The following MUS81 variants were observed in gnomAD, a reference collection of about 807,000 sequenced individuals.
MUS81 encodes structure-specific endonuclease subunit MUS81.
A neutral mutation model predicts 74.2 loss-of-function variants in MUS81; 69 were observed. That is an observed-to-expected ratio of 0.93 (90% CI 0.77 to 1.14). The LOEUF is 1.14. Ranked by LOEUF, MUS81 falls within the 50% of genes most tolerant of loss-of-function variation. MUS81 has a pLI of 0.00. For missense variants in MUS81, 711 were observed against 726.5 expected, an observed-to-expected ratio of 0.98 and a Z score of 0.25; for synonymous variants, 303 against 300.6, an observed-to-expected ratio of 1.01 and a Z score of -0.08.
chr11:65,863,759 C>A, intron 9 of MUS81, 38 bp downstream of exon 9: 1 of 1,614,088 alleles, frequency 6.2e-7, no homozygotes, highest in Non-Finnish European at 8.5e-7. Flanking sequence ...AGGGGCAGGG[C>A]CTGGTGGGTA....
chr11:65,860,966 C>G lies in MUS81; in HGVS notation c.136-7C>G. ...CCTGACCAGGTACCCTACCCCTGCC[C>G]GGCCAGGCGCTGCGTTCCCTCCGAC... On this transcript the variant is annotated splice_region_variant and splice_polypyrimidine_tract_variant and intron_variant, in intron 1 of 15. Coordinates refer to ENST00000308110, the MANE Select transcript of MUS81 (RefSeq NM_025128.5). 1 of 1,611,500 alleles carries G rather than the reference C, an allele frequency of 6.2e-7. No individual in the cohort carries two copies. The highest frequency in any genetic ancestry group is 8.5e-7 in the Non-Finnish European group (1 of 1,179,430).
At chr11:65,862,588 G>C in intron 6 of MUS81, 59 bp downstream of exon 6, 4 of 1,499,742 alleles carry the variant, frequency 2.7e-6, no homozygotes, top group Non-Finnish European at 3.7e-6. Flanking sequence ...TAGGGCCTTA[G>C]AGTCACCCAA....
rs374161707 is a variant in MUS81 at position 65,861,366 on chromosome 11, C to T, written c.282C>T (p.Asp94=). 1.1e-5 allele frequency: 17 copies of T among 1,600,084 alleles called. No homozygotes were observed. The African/African-American group carries it at 2.0e-4, about 19-fold the overall frequency. Residue 94 remains aspartate, a synonymous_variant, in exon 3 of 16, where the codon GAC becomes GAT. Coordinates refer to ENST00000308110, the MANE Select transcript of MUS81 (RefSeq NM_025128.5). ...CTCCCGCAGGTGACCATGCCCCGGA[C>T]TCACCATCTGGAGAGAACAGTCCAG... The part of the protein sequence containing the change: ...HRTSGGDHAP[D]SPSGENSPAP...
chr11:65,861,803 G>A, intron 3 of MUS81, 144 bp from the exon 4 acceptor site: 4 of 691,872 alleles, frequency 5.8e-6, no homozygotes, highest in Middle Eastern at 5.0e-4. Context: ...ATTTGCAGCG[G>A]ATCATCCCAT....
At chr11:65,862,350 G>A in intron 5 of MUS81, 71 bp downstream of exon 5, 1 of 1,589,102 alleles carries the variant, frequency 6.3e-7, no homozygotes, top group African/African-American at 1.3e-5. Flanking sequence ...TTTTCTTGCA[G>A]TGGGCCCATG....
intron 2 of MUS81, 95 bp downstream of exon 2, chr11:65,861,197 C>T: frequency 6.3e-7 from 1 of 1,587,808 alleles, no homozygotes; most frequent in Non-Finnish European, 8.6e-7. Flanking sequence ...GCTCCCCACT[C>T]CTGTCCCAGT....
chr11:65,866,513 T>G (rs866269595), downstream of MUS81: 15 of 702,690 alleles, frequency 2.1e-5, no homozygotes, highest in Middle Eastern at 1.1e-3. Context: ...AATGTACAGT[T>G]TGAGGCAGAG....
Position 65,866,348 on chromosome 11 carries a change from A to G in MUS81, c.*296A>G, listed in dbSNP as rs1859835994. Reference sequence around the variant, plus strand: ...TTATGTCACCAGTTGGTCCTCATCAAATAAAATTTCCTTAGGAGTGCAGAG... The same window carrying G: ...TTATGTCACCAGTTGGTCCTCATCAGATAAAATTTCCTTAGGAGTGCAGAG... On this transcript the variant is annotated 3_prime_UTR_variant, in exon 16 of 16. Transcript: ENST00000308110. 2 of 606,326 alleles carry G rather than the reference A, an allele frequency of 3.3e-6. No individual in the cohort carries two copies. Among genetic ancestry groups the G allele is most frequent in the African/African-American group, 3.7e-5 (2 of 53,980 alleles). The allele number at this position is 606,326 out of a possible 1,614,324, so 37.6% of individuals were successfully genotyped here. A position where few individuals can be genotyped will look rare whatever the true frequency, so the allele number is the denominator to read the frequency against.
upstream of MUS81, chr11:65,859,950 T>G (rs1859517763): frequency 4.7e-6 from 1 of 210,844 alleles, no homozygotes; most frequent in Non-Finnish European, 1.0e-5. Context: ...ATCTCAGGCC[T>G]CCCCAACTGC....
chr11:65,861,874 A>G, intron 3 of MUS81, 73 bp from the exon 4 acceptor site: 1 of 1,262,236 alleles, frequency 7.9e-7, no homozygotes, highest in Non-Finnish European at 1.1e-6. Context: ...ACCCAGGGCC[A>G]CAAAGCCTGC....
Position 65,866,415 on chromosome 11 carries a change from T to C in MUS81, c.*363T>C, listed in dbSNP as rs1401787938. 60 of 647,308 alleles carry C rather than the reference T, an allele frequency of 9.3e-5. No homozygotes were observed. The highest frequency in any genetic ancestry group is 1.4e-4 in the Non-Finnish European group (51 of 364,970). 40.1% of individuals were successfully genotyped at this position (647,308 alleles called of 1,614,324 possible). On this transcript the variant is annotated 3_prime_UTR_variant, in exon 16 of 16. Transcript: ENST00000308110. ...AAAAATAATAAAAATAAATAAAACT[T>C]CCTAAAAGAAAAGATTGAAAACCAC...
chr11:65,863,967 T>C, intron 10 of MUS81, 66 bp downstream of exon 10: 1 of 1,519,804 alleles, frequency 6.6e-7, no homozygotes, highest in East Asian at 2.3e-5. Flanking sequence ...CCCAGAGCAA[T>C]CCAGGGGCAC....
At chr11:65,864,002 G>A (rs1859719313) in intron 10 of MUS81, 101 bp downstream of exon 10, 11 of 1,212,762 alleles carry the variant, frequency 9.1e-6, no homozygotes, top group African/African-American at 1.5e-5. Flanking sequence ...TTGAGGCAGA[G>A]CCCTTTGGAA....
At chr11:65,859,843 T>A (rs1437313729), upstream of MUS81, among the ~76,000 whole-genome samples, 1 of 152,172 alleles carries the variant, frequency 6.6e-6, no homozygotes, top group Non-Finnish European at 1.5e-5. Context: ...CCACTTCCGA[T>A]TAGCCACAAA....
At chr11:65,865,617 T>C (rs928224986) in intron 14 of MUS81, 194 bp from the exon 15 acceptor site, 6 of 650,982 alleles carry the variant, frequency 9.2e-6, no homozygotes, top group African/African-American at 9.1e-5. Flanking sequence ...TTGGAGCCTT[T>C]GCTGGTTTTG....
rs757927578 is a variant in MUS81 at position 65,860,671 on chromosome 11, C to T, written c.-83C>T. 3.3e-6 allele frequency: 5 copies of T among 1,522,588 alleles called. No individual in the cohort carries two copies. In the South Asian group the frequency reaches 4.8e-5, roughly 15 times the overall value. The allele number at this position is 1,522,588 out of a possible 1,614,324, so 94.3% of individuals were successfully genotyped here. ...CCCTCTTCCCCCGCCCCGCCCTGGG[C>T]CAGGTGTTCGAATCCCGACTCCAGA... On this transcript the variant is annotated 5_prime_UTR_variant, in exon 1 of 16. Coordinates refer to ENST00000308110, the MANE Select transcript of MUS81 (RefSeq NM_025128.5).
rs1022645235 is a variant in MUS81, at chr11:65,860,844, GAGGCGACCCGCAGC to G, written c.97_110del (p.Thr33ProfsTer27). ...TCGCTGGCTGACCGAGTGGCGGGACGAGGCGACCCGCAGCAGGCGCCGCACGCGCTTCGTATTTC... is the reference window on the plus strand; with the variant it reads ...TCGCTGGCTGACCGAGTGGCGGGACGAGGCGCCGCACGCGCTTCGTATTTC... On this transcript the variant is annotated frameshift_variant, in exon 1 of 16. Transcript: ENST00000308110. LOFTEE classifies it high-confidence loss of function. 22 of 1,544,070 alleles carry G rather than the reference GAGGCGACCCGCAGC, an allele frequency of 1.4e-5. No individual in the cohort carries two copies. Among genetic ancestry groups the G allele is most frequent in the Non-Finnish European group, 1.7e-5 (20 of 1,147,046 alleles).
chr11:65,863,564 C>T (rs1040514540), intron 8 of MUS81, 36 bp from the exon 9 acceptor site: 4 of 1,613,814 alleles, frequency 2.5e-6, no homozygotes, highest in African/African-American at 2.7e-5. Flanking sequence ...AGGCACTGCC[C>T]TGCTCTGATC....
At chr11:65,865,714 T>C in intron 14 of MUS81, 97 bp from the exon 15 acceptor site, 1 of 1,252,360 alleles carries the variant, frequency 8.0e-7, no homozygotes, top group Admixed American at 1.9e-5. Context: ...GTGTCCCAAC[T>C]CTTCCATCCC....
Sources: gnomAD v4.1 joint callset for allele counts (sites outside exome capture counted in the v4.1 genomes callset) on GRCh38, gnomAD v4.1.1 for gene constraint, MANE v1.5 for transcripts, NCBI Gene and HGNC (gene_info 2026-07-23, HGNC 2026-07-21) for gene names.